Variants in RSU1 observed in about 807,000 individuals in gnomAD.
RSU1 encodes rsu-1.
RSU1 carries 26 observed loss-of-function variants against 31.1 expected under a neutral mutation model. The observed-to-expected ratio is 0.84, with a 90% confidence interval of 0.61 to 1.16. The LOEUF (loss-of-function observed/expected upper bound fraction) is 1.16. RSU1 is among the 50% of genes most tolerant of loss of function. RSU1 has a pLI of 0.00. For missense variants in RSU1, 320 were observed against 339.1 expected (o/e 0.94, Z 0.44); for synonymous variants, 164 against 136.3 (o/e 1.20, Z -1.41).
At chr10:16,800,997 A>G in intron 2 of RSU1, among the ~76,000 whole-genome samples, 1 of 151,926 alleles carries the variant, frequency 6.6e-6, no homozygotes, top group East Asian at 1.9e-4. Flanking sequence ...AATAGAAAAC[A>G]CTTATTTTGT....
In RSU1 at chr10:16,648,117, T is replaced by TA. The variant is rs1369476519; in HGVS notation, c.731+46905_731+46906insT. Among the ~76,000 whole-genome samples the TA allele has an allele frequency of 5.2e-3, 653 of 125,518 alleles. 2 individuals carry two copies. The highest frequency in any genetic ancestry group is 0.011 in the African/African-American group (286 of 27,238). The allele number at this position is 125,518 out of a possible 152,430, so 82.3% of individuals were successfully genotyped here. On this transcript the variant is annotated intron_variant, in intron 8 of 8. Coordinates refer to ENST00000345264, the MANE Select transcript of RSU1 (RefSeq NM_012425.4). ...TCATGAGCCATTGTGCCTGGCTAAT[T>TA]TAAAAAAAAAAAAAATTTTTTTTTT...
chr10:16,787,701 C>T (rs1837823288), intron 2 of RSU1, among the ~76,000 whole-genome samples: 1 of 152,178 alleles, frequency 6.6e-6, no homozygotes, highest in Non-Finnish European at 1.5e-5. Context: ...CTCTTACCTG[C>T]CCCCATGTAA....
intron 7 of RSU1, among the ~76,000 whole-genome samples, chr10:16,715,184 G>C (rs949292867): frequency 1.3e-5 from 2 of 152,196 alleles, no homozygotes; most frequent in Non-Finnish European, 1.5e-5. Context: ...TTGTTTACTT[G>C]TTGTTTAGAT....
intron 7 of RSU1, among the ~76,000 whole-genome samples, chr10:16,715,246 T>G (rs1212963385): frequency 1.3e-5 from 2 of 152,242 alleles, no homozygotes; most frequent in Non-Finnish European, 2.9e-5. Flanking sequence ...GCCATATTGC[T>G]CTGGGTTGCC....
intron 7 of RSU1, among the ~76,000 whole-genome samples, chr10:16,735,041 G>A (rs1836595755): frequency 6.6e-6 from 1 of 152,156 alleles, no homozygotes; most frequent in Admixed American, 6.5e-5. Flanking sequence ...AACCAATTCT[G>A]TTATTTTGAC....
chr10:16,712,568 T>C (rs954913760), intron 7 of RSU1, among the ~76,000 whole-genome samples: 5 of 152,200 alleles, frequency 3.3e-5, no homozygotes, highest in Admixed American at 6.5e-5. Flanking sequence ...ATCAACCTGA[T>C]AGCAATTTAA....
At chr10:16,639,348 C>G (rs182313254) in intron 8 of RSU1, among the ~76,000 whole-genome samples, 1 of 152,224 alleles carries the variant, frequency 6.6e-6, no homozygotes, top group African/African-American at 2.4e-5. Context: ...AAACCATTTT[C>G]AAACGATGGC....
intron 8 of RSU1, among the ~76,000 whole-genome samples, chr10:16,655,542 A>G (rs566725229): frequency 6.6e-6 from 1 of 152,358 alleles, no homozygotes; most frequent in East Asian, 1.9e-4. Flanking sequence ...TATATTATAT[A>G]CAATTTGCAT....
chr10:16,817,195 CGTCCGAGGGCGTCCCAGGGGCTG>C (rs1838558819), intron 1 of RSU1, 97 bp downstream of exon 1: 2 of 725,816 alleles, frequency 2.8e-6, no homozygotes, highest in African/African-American at 3.4e-5. Context: ...AGCGGGTGGG[CGTCCGAGGGCGTCCCAGGGGCTG>C]GTCCGGGTGC....
At chr10:16,787,966 T>C (rs1054377875) in intron 2 of RSU1, among the ~76,000 whole-genome samples, 4 of 152,244 alleles carry the variant, frequency 2.6e-5, no homozygotes, top group Non-Finnish European at 4.4e-5. Context: ...GATAGTGGTT[T>C]CCCACATCAT....
intron 8 of RSU1, among the ~76,000 whole-genome samples, chr10:16,596,395 C>T (rs754041928): frequency 2.0e-5 from 3 of 152,180 alleles, no homozygotes; most frequent in South Asian, 4.1e-4. Context: ...CTCCAAGCTC[C>T]GAAACATGCG....
intron 7 of RSU1, chr10:16,748,201 T>G (rs1836897164): frequency 6.6e-6 from 1 of 152,204 alleles, no homozygotes; most frequent in Non-Finnish European, 1.5e-5. Context: ...AAAAACTGGA[T>G]TTTATGGAGC....
chr10:16,613,040 C>G (rs1833920063), intron 8 of RSU1, among the ~76,000 whole-genome samples: 2 of 152,116 alleles, frequency 1.3e-5, no homozygotes, highest in Admixed American at 1.3e-4. Context: ...AGTAATAACT[C>G]TTTGTTCAAT....
rs776534050 is a variant in RSU1 at position 16,645,859 on chromosome 10, T to TAC, written c.731+49162_731+49163dup. Among the ~76,000 whole-genome samples, 59 of 133,346 alleles carry TAC rather than the reference T, an allele frequency of 4.4e-4. 1 individual carries two copies. The highest frequency in any genetic ancestry group is 2.8e-4 in the Non-Finnish European group (18 of 65,132). 87.5% of individuals were successfully genotyped at this position (133,346 alleles called of 152,430 possible). On this transcript the variant is annotated intron_variant, in intron 8 of 8. Coordinates refer to ENST00000345264, the MANE Select transcript of RSU1 (RefSeq NM_012425.4). The stretch of plus-strand genomic sequence containing the variant: ...TTTGTCTAGAAGGTTTTAAAATATA[T>TAC]ACGTATATATACATATATGTGTATA...
At chr10:16,651,198 T>A (rs550208231) in intron 8 of RSU1, among the ~76,000 whole-genome samples, 1 of 152,356 alleles carries the variant, frequency 6.6e-6, no homozygotes, top group Admixed American at 6.5e-5. Context: ...TTCAAGCTCA[T>A]GTCAAACAAG....
At chr10:16,674,165 C>T (rs574587176) in intron 8 of RSU1, among the ~76,000 whole-genome samples, 5 of 152,256 alleles carry the variant, frequency 3.3e-5, no homozygotes, top group Admixed American at 3.3e-4. Context: ...TTCCCCTCCC[C>T]CTGGCCCCCG....
intron 8 of RSU1, among the ~76,000 whole-genome samples, chr10:16,619,657 T>C (rs1009574122): frequency 6.6e-6 from 1 of 152,256 alleles, no homozygotes; most frequent in Non-Finnish European, 1.5e-5. Flanking sequence ...GAAAGACTCC[T>C]GAGCCTAGAC....
intron 7 of RSU1, among the ~76,000 whole-genome samples, chr10:16,725,780 A>T (rs1415477086): frequency 1.3e-5 from 2 of 149,044 alleles, no homozygotes; most frequent in Non-Finnish European, 3.0e-5. Context: ...ATTATTTATA[A>T]ATTACCCAGT....
intron 8 of RSU1, among the ~76,000 whole-genome samples, chr10:16,634,715 TG>T (rs1834317029): frequency 6.6e-6 from 1 of 152,160 alleles, no homozygotes; most frequent in Non-Finnish European, 1.5e-5. Context: ...TCAAAGAATG[TG>T]GGGTCTGGAA....
Sources: allele counts gnomAD v4.1 joint callset (sites outside exome capture counted in the v4.1 genomes callset), GRCh38; gene constraint gnomAD v4.1.1; transcripts MANE v1.5; gene names NCBI Gene and HGNC (gene_info 2026-07-23, HGNC 2026-07-21).